EXOC2: variants seen among roughly 807,000 people sequenced by gnomAD.
EXOC2 encodes SEC5-like 1.
Under a neutral mutation model 131.8 loss-of-function variants are expected in EXOC2, and 70 were observed. The ratio of observed to expected loss-of-function variants is 0.53; its 90% CI spans 0.44 to 0.65. The LOEUF (loss-of-function observed/expected upper bound fraction) is 0.65. Ranked by LOEUF, EXOC2 falls within the 30% of genes least tolerant of loss-of-function variation. The pLI is 0.00. For missense variants in EXOC2, 923 were observed against 1,108.6 expected (o/e 0.83, Z 2.38); for synonymous variants, 411 against 398.4 (o/e 1.03, Z -0.38).
rs1404018182 is a variant in EXOC2, at chr6:693,009, C to T, written c.-44+10G>A. On this transcript the variant is annotated intron_variant, in intron 1 of 27. Transcript: ENST00000230449. ...GCCTTCGGCCAGGCCCTCCAGCCTCCCACACATACCTCCAGCCGTCCTGCC... is the reference window on the plus strand; with the variant it reads ...GCCTTCGGCCAGGCCCTCCAGCCTCTCACACATACCTCCAGCCGTCCTGCC... The T allele has an allele frequency of 1.3e-5, 2 of 152,752 alleles. No individual in the cohort carries two copies. The highest frequency in any genetic ancestry group is 1.3e-4 in the Admixed American group (2 of 15,296). The allele number at this position is 152,752 out of a possible 1,614,324, so 9.5% of individuals were successfully genotyped here. A position where few individuals can be genotyped will look rare whatever the true frequency, so the allele number is the denominator to read the frequency against.
At chr6:638,938 TAAA>T (rs2127718297) in intron 1 of EXOC2, among the ~76,000 whole-genome samples, 1 of 131,550 alleles carries the variant, frequency 7.6e-6, no homozygotes, top group African/African-American at 2.8e-5. Context: ...CAAATAATAA[TAAA>T]AATAATAAAA....
chr6:545,181 T>G (rs1756781536), intron 22 of EXOC2, among the ~76,000 whole-genome samples: 1 of 146,358 alleles, frequency 6.8e-6, no homozygotes, highest in Admixed American at 6.8e-5. Context: ...AAAAAAAACT[T>G]CAATTAAAAA....
rs572380893 is a variant in EXOC2 at position 637,937 on chromosome 6, G to C, written c.-43-76C>G. 6.1e-5 allele frequency: 56 copies of C among 923,412 alleles called. No homozygotes were observed. The East Asian group carries it at 1.4e-3, about 23-fold the overall frequency. 57.2% of individuals were successfully genotyped at this position (923,412 alleles called of 1,614,324 possible). ...GCTGAAAATATAAGAATGCTAGACA[G>C]TCAGTACCAAAATATAAAAAGTATT... On this transcript the variant is annotated intron_variant, in intron 1 of 27. Coordinates refer to ENST00000230449, the MANE Select transcript of EXOC2 (RefSeq NM_018303.6).
At chr6:682,313 C>T (rs1307231896) in intron 1 of EXOC2, among the ~76,000 whole-genome samples, 1 of 151,524 alleles carries the variant, frequency 6.6e-6, no homozygotes, top group Non-Finnish European at 1.5e-5. Context: ...CATTCTCCTG[C>T]CTCAGCCTCC....
chr6:580,478 T>G (rs1758828315), intron 11 of EXOC2, among the ~76,000 whole-genome samples: 1 of 152,224 alleles, frequency 6.6e-6, no homozygotes, highest in Admixed American at 6.5e-5. Context: ...AATTAACTGT[T>G]CCTAGAATTT....
At chr6:686,842 T>C (rs1382246377) in intron 1 of EXOC2, among the ~76,000 whole-genome samples, 4 of 152,142 alleles carry the variant, frequency 2.6e-5, no homozygotes, top group Non-Finnish European at 5.9e-5. Context: ...ATTGATGACA[T>C]GTCAAAAATG....
At chr6:642,684 T>A (rs1224151804) in intron 1 of EXOC2, among the ~76,000 whole-genome samples, 1 of 152,144 alleles carries the variant, frequency 6.6e-6, no homozygotes, top group African/African-American at 2.4e-5. Flanking sequence ...GAATTAAAAT[T>A]ATAAAATTAT....
intron 11 of EXOC2, among the ~76,000 whole-genome samples, chr6:580,321 T>C (rs1342092939): frequency 6.6e-6 from 1 of 152,120 alleles, no homozygotes; most frequent in Non-Finnish European, 1.5e-5. Flanking sequence ...ATTACAGGAG[T>C]GAGCCACCGT....
At chr6:555,075 A>G in intron 20 of EXOC2, 152 bp downstream of exon 20, 1 of 420,894 alleles carries the variant, frequency 2.4e-6, no homozygotes, top group Non-Finnish European at 4.2e-6. Flanking sequence ...TGGAAAGAAT[A>G]TAGGTCGAAT....
intron 26 of EXOC2, among the ~76,000 whole-genome samples, chr6:490,362 C>T (rs535392514): frequency 3.9e-5 from 6 of 152,238 alleles, no homozygotes; most frequent in African/African-American, 1.4e-4. Flanking sequence ...TACAGACAAA[C>T]GATGGCTGGG....
At chr6:530,446 T>G (rs1766009686) in intron 23 of EXOC2, among the ~76,000 whole-genome samples, 1 of 152,146 alleles carries the variant, frequency 6.6e-6, no homozygotes, top group African/African-American at 2.4e-5. Flanking sequence ...AGGAGCTAGA[T>G]AACGACAAAA....
intron 12 of EXOC2, among the ~76,000 whole-genome samples, chr6:574,082 T>C (rs1758442523): frequency 6.6e-6 from 1 of 152,258 alleles, no homozygotes; most frequent in Non-Finnish European, 1.5e-5. Context: ...CCCACAGTTA[T>C]ACTGCCTTTC....
At chr6:576,607 G>T in intron 12 of EXOC2, 150 bp downstream of exon 12, 1 of 721,804 alleles carries the variant, frequency 1.4e-6, no homozygotes, top group Non-Finnish European at 2.1e-6. Context: ...TTAAATTACT[G>T]GTAGTTACTG....
intron 22 of EXOC2, among the ~76,000 whole-genome samples, chr6:535,605 C>T (rs1766392670): frequency 1.3e-5 from 2 of 152,136 alleles, no homozygotes; most frequent in Admixed American, 1.3e-4. Flanking sequence ...AAAACACAAC[C>T]TTCAAAAACT....
chr6:626,599 T>G (rs1291045175), intron 4 of EXOC2, among the ~76,000 whole-genome samples: 2 of 146,132 alleles, frequency 1.4e-5, no homozygotes, highest in Non-Finnish European at 1.5e-5. Flanking sequence ...TCTTCAAACC[T>G]TTTTTTTTTT....
intron 11 of EXOC2, among the ~76,000 whole-genome samples, chr6:590,324 G>A (rs190506399): frequency 2.0e-5 from 3 of 152,286 alleles, no homozygotes; most frequent in African/African-American, 7.2e-5. Flanking sequence ...TGACATTAAT[G>A]GGGATGTTGA....
chr6:552,968 A>G (rs1291888825), intron 21 of EXOC2, among the ~76,000 whole-genome samples: 1 of 152,098 alleles, frequency 6.6e-6, no homozygotes, highest in East Asian at 1.9e-4. Context: ...CCCAGGCTGG[A>G]GCACAGTGGA....
intron 2 of EXOC2, among the ~76,000 whole-genome samples, chr6:636,049 G>A (rs1476732958): frequency 1.3e-5 from 2 of 152,242 alleles, no homozygotes; most frequent in Non-Finnish European, 1.5e-5. Flanking sequence ...GCAACAGAGC[G>A]AGACTCCGTC....
rs763384495 is a variant in EXOC2, at chr6:566,939, C to T, written c.1444-2010G>A. Among the ~76,000 whole-genome samples, 6 of 152,164 alleles carry T rather than the reference C, an allele frequency of 3.9e-5. No homozygotes were observed. The South Asian group carries it at 1.0e-3, about 26-fold the overall frequency. ...GGCACTCCTGCTCAGGAGCCCACTG[C>T]GAGCAACGTCAGAATTCTTGCTTTC... On this transcript the variant is annotated intron_variant, in intron 13 of 27. Coordinates refer to ENST00000230449, the MANE Select transcript of EXOC2 (RefSeq NM_018303.6).
Sources: gnomAD v4.1 joint callset for allele counts (sites outside exome capture counted in the v4.1 genomes callset) on GRCh38, gnomAD v4.1.1 for gene constraint, MANE v1.5 for transcripts, NCBI Gene and HGNC (gene_info 2026-07-23, HGNC 2026-07-21) for gene names.